The following TFCP2 variants were observed in gnomAD, a reference collection of about 807,000 sequenced individuals.
TFCP2 encodes the protein transcription factor CP2.
TFCP2 carries 33 observed loss-of-function variants against 73.4 expected under a neutral mutation model. That is an observed-to-expected ratio of 0.45 (90% CI 0.34 to 0.60). The LOEUF (loss-of-function observed/expected upper bound fraction) is 0.60. TFCP2 is among the 20% of genes least tolerant of loss of function. The pLI, the probability that TFCP2 is intolerant of heterozygous loss-of-function variation, is 0.01. For synonymous variants in TFCP2, 193 were observed against 211.6 expected, an observed-to-expected ratio of 0.91 and a Z score of 0.76; for missense variants, 352 against 604.0, an observed-to-expected ratio of 0.58 and a Z score of 4.37.
Position 51,098,821 on chromosome 12 carries a change from A to G in TFCP2, c.1374T>C (p.Ile458=). ...GAATTCCTGTTGGCCCCTGCTTGTAAATCTGGCTGATCTGGCAAGGGGAAA... is the reference window on the plus strand; with the variant it reads ...GAATTCCTGTTGGCCCCTGCTTGTAGATCTGGCTGATCTGGCAAGGGGAAA... ...FSISPCQISQ[I]YKQGPTGIHV... is the part of the protein sequence containing the mutation. Residue 458 remains isoleucine, a synonymous_variant, in exon 13 of 15, where the codon ATT becomes ATC. Coordinates refer to ENST00000257915, the MANE Select transcript of TFCP2 (RefSeq NM_005653.5). 1 of 1,614,156 alleles carries G rather than the reference A, an allele frequency of 6.2e-7. No individual in the cohort carries two copies. Among genetic ancestry groups the G allele is most frequent in the Non-Finnish European group, 8.5e-7 (1 of 1,180,040 alleles).
intron 3 of TFCP2, among the ~76,000 whole-genome samples, chr12:51,117,189 A>G (rs1319081733): frequency 6.6e-6 from 1 of 152,194 alleles, no homozygotes. Context: ...CTTACTTTGT[A>G]GAAGTGCCTA....
intron 11 of TFCP2, among the ~76,000 whole-genome samples, chr12:51,100,366 T>C (rs1366744373): frequency 6.6e-6 from 1 of 152,220 alleles, no homozygotes; most frequent in Non-Finnish European, 1.5e-5. Flanking sequence ...AACTACCTCT[T>C]GATCTGATCA....
intron 13 of TFCP2, among the ~76,000 whole-genome samples, chr12:51,097,280 G>A (rs1019154485): frequency 6.6e-6 from 1 of 150,618 alleles, no homozygotes; most frequent in Non-Finnish European, 1.5e-5. Flanking sequence ...ATGAAGTCTC[G>A]CTCTGTCGCC....
At chr12:51,123,395 C>T (rs1302787733) in intron 1 of TFCP2, among the ~76,000 whole-genome samples, 1 of 152,124 alleles carries the variant, frequency 6.6e-6, no homozygotes, top group Admixed American at 6.6e-5. Flanking sequence ...ATTCTAGGCC[C>T]CTATTTATAC....
chr12:51,103,934 C>A, intron 9 of TFCP2, 171 bp from the exon 10 acceptor site: 1 of 692,568 alleles, frequency 1.4e-6, no homozygotes, highest in Non-Finnish European at 2.5e-6. Context: ...CCTTTTCTTC[C>A]CCACTAGACT....
intron 1 of TFCP2, among the ~76,000 whole-genome samples, chr12:51,126,232 C>CAAAAAAAAAAAAAAAA (rs371407608): frequency 1.1e-5 from 1 of 87,760 alleles, no homozygotes; most frequent in Admixed American, 1.4e-4. Context: ...GACTCTGTCT[C>CAAAAAAAAAAAAAAAA]AAAAAAAAAA....
intron 1 of TFCP2, among the ~76,000 whole-genome samples, chr12:51,136,015 A>G (rs1234687668): frequency 6.6e-6 from 1 of 152,076 alleles, no homozygotes; most frequent in African/African-American, 2.4e-5. Context: ...CAAGTTAAAG[A>G]AGGTTCCCTG....
At chr12:51,115,662 G>A (rs2136980570) in intron 4 of TFCP2, among the ~76,000 whole-genome samples, 1 of 152,300 alleles carries the variant, frequency 6.6e-6, no homozygotes, top group South Asian at 2.1e-4. Context: ...GCCTATCATG[G>A]GATGAATGGA....
Position 51,093,663 on chromosome 12 carries a change from G to A in TFCP2, c.*1578C>T, listed in dbSNP as rs904549059. 2.2e-4 allele frequency: 34 copies of A among 152,212 alleles called. No homozygotes were observed. The highest frequency in any genetic ancestry group is 8.2e-4 in the African/African-American group (34 of 41,536). 9.4% of individuals were successfully genotyped at this position (152,212 alleles called of 1,614,324 possible). A position where few individuals can be genotyped will look rare whatever the true frequency, so the allele number is the denominator to read the frequency against. The stretch of plus-strand genomic sequence containing the variant: ...ATCATTCACTAAGAAGCATTTTGGT[G>A]TAATATAACAAGTTGCTCAGGTCAG... On this transcript the variant is annotated 3_prime_UTR_variant, in exon 15 of 15. Transcript: ENST00000257915.
At chr12:51,156,567 T>G (rs546806956) in intron 1 of TFCP2, among the ~76,000 whole-genome samples, 2 of 152,338 alleles carry the variant, frequency 1.3e-5, no homozygotes, top group African/African-American at 4.8e-5. Context: ...TAATGCTGAC[T>G]TCACAGAATG....
At chr12:51,108,382 G>T (rs1258780197) in intron 6 of TFCP2, among the ~76,000 whole-genome samples, 1 of 152,126 alleles carries the variant, frequency 6.6e-6, no homozygotes, top group African/African-American at 2.4e-5. Context: ...GGGGGTCAGT[G>T]TAAGAGTAGT....
At chr12:51,166,171 T>C (rs1429428694) in intron 1 of TFCP2, among the ~76,000 whole-genome samples, 1 of 149,768 alleles carries the variant, frequency 6.7e-6, no homozygotes, top group African/African-American at 2.5e-5. Flanking sequence ...AAAAATTAGC[T>C]GGGTGTGGTG....
intron 1 of TFCP2, among the ~76,000 whole-genome samples, chr12:51,136,519 T>C (rs944973502): frequency 6.6e-6 from 1 of 152,110 alleles, no homozygotes; most frequent in Non-Finnish European, 1.5e-5. Flanking sequence ...GTAAAAATGA[T>C]GTAACTTGAA....
intron 1 of TFCP2, among the ~76,000 whole-genome samples, chr12:51,137,724 A>G (rs17125421): frequency 0.012 from 1,886 of 152,334 alleles, 42 homozygotes; most frequent in African/African-American, 0.043. Flanking sequence ...GAATCTGACT[A>G]TTTTGATACA....
At chr12:51,125,965 T>A (rs2136995489) in intron 1 of TFCP2, among the ~76,000 whole-genome samples, 1 of 152,156 alleles carries the variant, frequency 6.6e-6, no homozygotes, top group South Asian at 2.1e-4. Flanking sequence ...GCACGGTGGC[T>A]CACGCCTGTA....
chr12:51,147,334 C>CA (rs761491614), intron 1 of TFCP2, among the ~76,000 whole-genome samples: 59 of 151,524 alleles, frequency 3.9e-4, no homozygotes, highest in African/African-American at 5.1e-4. Flanking sequence ...GACTTCATCT[C>CA]AAAAAAGAAA....
At chr12:51,119,634 C>CA (rs1940610886) in intron 1 of TFCP2, among the ~76,000 whole-genome samples, 1 of 151,780 alleles carries the variant, frequency 6.6e-6, no homozygotes, top group South Asian at 2.1e-4. Context: ...CCTGTAATCC[C>CA]AGCTACTCAA....
At chr12:51,131,512 T>C (rs186135645) in intron 1 of TFCP2, among the ~76,000 whole-genome samples, 135 of 152,240 alleles carry the variant, frequency 8.9e-4, no homozygotes, top group African/African-American at 3.2e-3. Context: ...TATAAAAGGT[T>C]TTCAGTTCTC....
chr12:51,120,718 C>T (rs1940645715), intron 1 of TFCP2, among the ~76,000 whole-genome samples: 1 of 151,764 alleles, frequency 6.6e-6, no homozygotes, highest in African/African-American at 2.4e-5. Context: ...CACTTGAGGC[C>T]AGGAGTTCAA....
Sources: allele counts gnomAD v4.1 joint callset (sites outside exome capture counted in the v4.1 genomes callset), GRCh38; gene constraint gnomAD v4.1.1; transcripts MANE v1.5; gene names NCBI Gene and HGNC (gene_info 2026-07-23, HGNC 2026-07-21).